FOXP2: variants seen among roughly 807,000 people sequenced by gnomAD.
FOXP2 encodes the protein forkhead box P2.
In FOXP2, 12 loss-of-function variants were observed where a neutral mutation model predicts 115.8. That is an observed-to-expected ratio of 0.10 (90% confidence interval 0.07 to 0.17). The LOEUF is 0.17. FOXP2 is among the 10% of genes least tolerant of loss of function. FOXP2 has a pLI of 1.00. For synonymous variants in FOXP2, 328 were observed against 297.7 expected, an observed-to-expected ratio of 1.10 and a Z score of -1.05; for missense variants, 629 against 843.5, an observed-to-expected ratio of 0.75 and a Z score of 3.15.
chr7:114,384,802 A>G (rs1792401150), intron 2 of FOXP2, among the ~76,000 whole-genome samples: 1 of 151,754 alleles, frequency 6.6e-6, no homozygotes, highest in Non-Finnish European at 1.5e-5. Flanking sequence ...GGTTTCCTCT[A>G]AAAGTTACTT....
intron 3 of FOXP2, among the ~76,000 whole-genome samples, chr7:114,579,603 A>G (rs904921828): frequency 1.3e-4 from 20 of 151,686 alleles, no homozygotes; most frequent in African/African-American, 4.4e-4. Context: ...TTCCCTGTGT[A>G]TCAACTTCCA....
intron 1 of FOXP2, among the ~76,000 whole-genome samples, chr7:114,242,682 G>A (rs1795184736): frequency 6.6e-6 from 1 of 152,080 alleles, no homozygotes; most frequent in African/African-American, 2.4e-5. Flanking sequence ...TTTCTCACTA[G>A]AACGTTTCTC....
intron 3 of FOXP2, among the ~76,000 whole-genome samples, chr7:114,584,375 GCA>G (rs1282186955): frequency 6.6e-6 from 1 of 152,034 alleles, no homozygotes; most frequent in Non-Finnish European, 1.5e-5. Flanking sequence ...CTGCAAACAA[GCA>G]CACAAAAAGG....
At chr7:114,406,453 G>T (rs1793039604) in intron 2 of FOXP2, among the ~76,000 whole-genome samples, 1 of 151,882 alleles carries the variant, frequency 6.6e-6, no homozygotes, top group Admixed American at 6.6e-5. Context: ...TAAATGTGAT[G>T]ATTTTATTAT....
intron 2 of FOXP2, among the ~76,000 whole-genome samples, chr7:114,328,974 A>T (rs925774034): frequency 2.3e-4 from 35 of 152,342 alleles, no homozygotes; most frequent in African/African-American, 8.2e-4. Context: ...AGACGAAGTT[A>T]TCTTTTTTTG....
intron 2 of FOXP2, among the ~76,000 whole-genome samples, chr7:114,507,019 C>T (rs1429418001): frequency 6.6e-6 from 1 of 151,660 alleles, no homozygotes; most frequent in African/African-American, 2.4e-5. Context: ...AAAATGTTTC[C>T]TAATGCTATA....
intron 2 of FOXP2, among the ~76,000 whole-genome samples, chr7:114,449,440 T>A (rs1005954667): frequency 1.3e-5 from 2 of 152,058 alleles, no homozygotes; most frequent in African/African-American, 2.4e-5. Context: ...CTTGTACATA[T>A]CCCACTCTCC....
At chr7:114,436,766 G>A (rs1036548523) in intron 2 of FOXP2, among the ~76,000 whole-genome samples, 3 of 152,000 alleles carry the variant, frequency 2.0e-5, no homozygotes, top group Admixed American at 6.6e-5. Flanking sequence ...ATACAACAGA[G>A]GAAGAGTGAT....
At chr7:114,238,459 A>C (rs1449786282) in intron 1 of FOXP2, among the ~76,000 whole-genome samples, 2 of 152,224 alleles carry the variant, frequency 1.3e-5, no homozygotes, top group Non-Finnish European at 2.9e-5. Context: ...AATAGAAATA[A>C]GATGAGTACT....
intron 16 of FOXP2, among the ~76,000 whole-genome samples, chr7:114,684,222 C>T (rs866254038): frequency 6.6e-6 from 1 of 152,226 alleles, no homozygotes; most frequent in Middle Eastern, 3.4e-3. Context: ...CCACGAGGTT[C>T]TTTATTCAAA....
At chr7:114,352,585 A>C (rs2129186073) in intron 2 of FOXP2, among the ~76,000 whole-genome samples, 1 of 152,290 alleles carries the variant, frequency 6.6e-6, no homozygotes, top group South Asian at 2.1e-4. Context: ...GGAGGCTAGA[A>C]GCCCTTGATT....
chr7:114,665,673 T>C lies in FOXP2; in HGVS notation c.2003+1237T>C, dbSNP rs184049209. On this transcript the variant is annotated intron_variant, in intron 16 of 16. Transcript: ENST00000350908. ...GTTCCGAACCATTACTTCTTCAAAA[T>C]GGAAAAATTTGTCTTTTGGAAGTGT... 5.3e-5 allele frequency: 8 copies of C among 152,210 alleles called. No homozygotes were observed. The East Asian group carries it at 1.5e-3, about 29-fold the overall frequency. 9.4% of individuals were successfully genotyped at this position (152,210 alleles called of 1,614,324 possible). A position where few individuals can be genotyped will look rare whatever the true frequency, so the allele number is the denominator to read the frequency against.
intron 1 of FOXP2, among the ~76,000 whole-genome samples, chr7:114,111,405 C>G (rs954381141): frequency 1.1e-4 from 17 of 152,090 alleles, no homozygotes; most frequent in African/African-American, 4.1e-4. Flanking sequence ...CAGCTGAATT[C>G]AGCTGCATGA....
chr7:114,691,497 C>G lies in FOXP2; in HGVS notation c.*1571C>G. 1 of 453,922 alleles carries G rather than the reference C, an allele frequency of 2.2e-6. No homozygotes were observed. The highest frequency in any genetic ancestry group is 4.4e-6 in the Non-Finnish European group (1 of 226,752). The allele number at this position is 453,922 out of a possible 1,614,324, so 28.1% of individuals were successfully genotyped here. A position where few individuals can be genotyped will look rare whatever the true frequency, so the allele number is the denominator to read the frequency against. On this transcript the variant is annotated 3_prime_UTR_variant, in exon 17 of 17. Coordinates refer to ENST00000350908, the MANE Select transcript of FOXP2 (RefSeq NM_014491.4). ...CACTCCCTTCAAAGACTTGCACAGG[C>G]CAAATTGTTGGAATGCTGGTTTTCT...
intron 3 of FOXP2, among the ~76,000 whole-genome samples, chr7:114,568,654 G>A (rs905572661): frequency 2.6e-5 from 4 of 151,724 alleles, no homozygotes; most frequent in South Asian, 2.1e-4. Context: ...AAAACTAGAC[G>A]AATTCTAATG....
rs192116904 is a variant in FOXP2, at chr7:114,298,720, G to A, written c.-11+10611G>A. Among the ~76,000 whole-genome samples the A allele has an allele frequency of 3.2e-3, 489 of 152,238 alleles. 4 individuals are homozygous for A. Among genetic ancestry groups the A allele is most frequent in the African/African-American group, 0.011 (470 of 41,556 alleles). Reference sequence around the variant, plus strand: ...CAGTAGTCTATTGCCCAGGACAATTGAACAACTTCTCTTCTCATGTGGTTT... The same window carrying A: ...CAGTAGTCTATTGCCCAGGACAATTAAACAACTTCTCTTCTCATGTGGTTT... On this transcript the variant is annotated intron_variant, in intron 2 of 17. Coordinates refer to the FOXP2 transcript ENST00000634411.
At chr7:114,414,547 G>C (rs1169714319), upstream of FOXP2, 1 of 153,978 alleles carries the variant, frequency 6.5e-6, no homozygotes, top group Admixed American at 6.4e-5. Flanking sequence ...ATTAAGGTTA[G>C]TAATTGATGG....
At position 114,658,071 on chromosome 7, in the gene FOXP2, T is replaced by C; in HGVS notation, c.1272T>C (p.Asn424=). 6.2e-7 allele frequency: 1 copy of C among 1,613,742 alleles called. No individual in the cohort carries two copies. Among genetic ancestry groups the C allele is most frequent in the Non-Finnish European group, 8.5e-7 (1 of 1,179,732 alleles). ...CTTCTCTTGGGCCTTTGCAGCTAAA[T>C]CTGGTGTCTAGTGTCACCATGTCGA... ...SEPKPSPKPL[N]LVSSVTMSKN... The change falls in exon 11 of 17, where the codon AAT becomes AAC. Residue 424 remains asparagine, a synonymous_variant. Transcript: ENST00000350908.
chr7:114,593,941 T>G (rs773711669), intron 3 of FOXP2, among the ~76,000 whole-genome samples: 5 of 152,024 alleles, frequency 3.3e-5, no homozygotes, highest in Non-Finnish European at 5.9e-5. Flanking sequence ...TAGAAAGATC[T>G]TTACCTAAGT....
Sources: allele counts gnomAD v4.1 joint callset (sites outside exome capture counted in the v4.1 genomes callset), GRCh38; gene constraint gnomAD v4.1.1; transcripts MANE v1.5; gene names NCBI Gene and HGNC (gene_info 2026-07-23, HGNC 2026-07-21).